NELL1: variants seen among roughly 807,000 people sequenced by gnomAD.
NELL1 encodes the protein neural EGFL like 1.
NELL1 carries 76 observed loss-of-function variants against 107.4 expected under a neutral mutation model. The ratio of observed to expected loss-of-function variants is 0.71; its 90% CI spans 0.59 to 0.86. The LOEUF is 0.86. NELL1 is among the 40% of genes least tolerant of loss of function. NELL1 has a pLI of 0.00. For synonymous variants in NELL1, 353 were observed against 341.2 expected (o/e 1.03, Z -0.38); for missense variants, 1,024 against 1,005.5 (o/e 1.02, Z -0.25).
chr11:21,286,886 C>G (rs892493859), intron 14 of NELL1, among the ~76,000 whole-genome samples: 4 of 152,100 alleles, frequency 2.6e-5, no homozygotes, highest in Admixed American at 6.5e-5. Flanking sequence ...GTTGAATCAA[C>G]CAAAATATGA....
Position 20,783,678 on chromosome 11 carries a change from A to G in NELL1, c.185-2A>G, listed in dbSNP as rs1856896155. 18 of 1,610,558 alleles carry G rather than the reference A, an allele frequency of 1.1e-5. No homozygotes were observed. The highest frequency in any genetic ancestry group is 1.4e-5 in the Non-Finnish European group (17 of 1,178,362). On this transcript the variant is annotated splice_acceptor_variant, in intron 2 of 19. Transcript: ENST00000357134. LOFTEE classifies it high-confidence loss of function. ...CCTCCTGCTTTTCTTCTTGATTCCT[A>G]GACATAGAAAGAGAGATCCATGCAG... is the stretch of plus-strand genomic sequence containing the variant.
intron 4 of NELL1, among the ~76,000 whole-genome samples, chr11:20,883,671 T>C (rs1034182010): frequency 6.6e-6 from 1 of 152,236 alleles, no homozygotes; most frequent in Non-Finnish European, 1.5e-5. Flanking sequence ...CCTCATTATC[T>C]CTATAGGGCA....
At chr11:21,542,849 T>C (rs1184898621) in intron 16 of NELL1, among the ~76,000 whole-genome samples, 1 of 151,952 alleles carries the variant, frequency 6.6e-6, no homozygotes, top group Admixed American at 6.6e-5. Context: ...ATTTGAAAAA[T>C]AAAGAAATTA....
At position 20,913,165 on chromosome 11, in the gene NELL1, T is replaced by A. The variant is rs536203850; in HGVS notation, c.604-5017T>A. Among the ~76,000 whole-genome samples the A allele has an allele frequency of 5.9e-5, 9 of 152,322 alleles. No homozygotes were observed. In the South Asian group the frequency reaches 1.2e-3, roughly 21 times the overall value. ...TTTTTGTTAGCCTGTTTCCAAAGCT[T>A]GAGTCCCTGCCAGTTTATAAACAGA... On this transcript the variant is annotated intron_variant, in intron 5 of 19. Transcript: ENST00000357134.
intron 14 of NELL1, among the ~76,000 whole-genome samples, chr11:21,365,044 C>A (rs1851186718): frequency 6.6e-6 from 1 of 152,220 alleles, no homozygotes; most frequent in Non-Finnish European, 1.5e-5. Context: ...CCAGGCCCAT[C>A]TCAAATGCTA....
chr11:20,751,698 C>T (rs150154337), intron 2 of NELL1, among the ~76,000 whole-genome samples: 11 of 151,108 alleles, frequency 7.3e-5, no homozygotes, highest in South Asian at 6.2e-4. Flanking sequence ...CTGTGTTGCT[C>T]AGGCTGGTTT....
chr11:20,938,940 C>G (rs10766746), intron 10 of NELL1, among the ~76,000 whole-genome samples: 14,177 of 57,004 alleles, frequency 0.25, 892 homozygotes, highest in East Asian at 0.35. Flanking sequence ...CTCTCTCTCT[C>G]TGTGTGTGTG....
At chr11:21,482,044 T>G (rs188437627) in intron 15 of NELL1, among the ~76,000 whole-genome samples, 1 of 152,292 alleles carries the variant, frequency 6.6e-6, no homozygotes, top group East Asian at 1.9e-4. Flanking sequence ...GAGTTCATTT[T>G]GATAAATAAT....
intron 3 of NELL1, among the ~76,000 whole-genome samples, chr11:20,829,443 G>T (rs1044425651): frequency 6.6e-6 from 1 of 151,764 alleles, no homozygotes; most frequent in South Asian, 2.1e-4. Context: ...GGCCAGGCTG[G>T]TCTCCAATGC....
intron 2 of NELL1, among the ~76,000 whole-genome samples, chr11:20,745,444 A>G (rs1399580819): frequency 1.3e-5 from 2 of 152,222 alleles, no homozygotes; most frequent in Non-Finnish European, 2.9e-5. Context: ...TAGCACTGAC[A>G]TTAGTGTGTT....
At chr11:21,415,399 A>C (rs1479906082) in intron 15 of NELL1, among the ~76,000 whole-genome samples, 1 of 151,956 alleles carries the variant, frequency 6.6e-6, no homozygotes, top group South Asian at 2.1e-4. Flanking sequence ...AAAAGGATTG[A>C]ATTTCTCAGT....
intron 2 of NELL1, among the ~76,000 whole-genome samples, chr11:20,709,775 A>G (rs1178743744): frequency 6.6e-6 from 1 of 151,884 alleles, no homozygotes; most frequent in Non-Finnish European, 1.5e-5. Context: ...TAGGTATATT[A>G]TTAATATTTT....
chr11:21,098,439 C>T (rs1324933854), intron 12 of NELL1, among the ~76,000 whole-genome samples: 2 of 152,180 alleles, frequency 1.3e-5, no homozygotes, highest in African/African-American at 4.8e-5. Flanking sequence ...AGCATAGCTC[C>T]TGGGCAGCTG....
At chr11:21,181,746 T>A (rs1038471685) in intron 13 of NELL1, among the ~76,000 whole-genome samples, 1 of 151,926 alleles carries the variant, frequency 6.6e-6, no homozygotes, top group African/African-American at 2.4e-5. Flanking sequence ...CTTTCTTAAA[T>A]GGACTGCAGA....
chr11:21,246,911 C>G (rs1858507835), intron 14 of NELL1, among the ~76,000 whole-genome samples: 1 of 152,176 alleles, frequency 6.6e-6, no homozygotes, highest in East Asian at 1.9e-4. Context: ...ATCACAAGAA[C>G]AGTATGGGGG....
chr11:21,382,825 C>T (rs1413974515), intron 15 of NELL1, among the ~76,000 whole-genome samples: 1 of 151,912 alleles, frequency 6.6e-6, no homozygotes, highest in Admixed American at 6.6e-5. Flanking sequence ...TCTCACCAAG[C>T]AAGCACACAC....
chr11:21,287,717 T>G (rs1169935478), intron 14 of NELL1, among the ~76,000 whole-genome samples: 2 of 152,156 alleles, frequency 1.3e-5, no homozygotes, highest in African/African-American at 2.4e-5. Flanking sequence ...TCACCTTTTT[T>G]GGGGAGTCTT....
intron 7 of NELL1, among the ~76,000 whole-genome samples, chr11:20,926,199 G>A (rs534698320): frequency 1.4e-3 from 215 of 152,222 alleles, no homozygotes; most frequent in Non-Finnish European, 1.8e-3. Flanking sequence ...TTACTCTTTC[G>A]TGTGGATGTG....
intron 12 of NELL1, among the ~76,000 whole-genome samples, chr11:20,988,797 C>T (rs1376320675): frequency 6.6e-6 from 1 of 151,834 alleles, no homozygotes; most frequent in Non-Finnish European, 1.5e-5. Flanking sequence ...CCATGTTAGC[C>T]AGGATGGTCT....
Sources: allele counts gnomAD v4.1 joint callset (sites outside exome capture counted in the v4.1 genomes callset), GRCh38; gene constraint gnomAD v4.1.1; transcripts MANE v1.5; gene names NCBI Gene and HGNC (gene_info 2026-07-23, HGNC 2026-07-21).